The following PCDHA7 variants were observed in gnomAD, a reference collection of about 807,000 sequenced individuals.
The protein encoded by PCDHA7 is protocadherin alpha-7.
A neutral mutation model predicts 57.2 loss-of-function variants in PCDHA7; 37 were observed. The ratio of observed to expected loss-of-function variants is 0.65; its 90% confidence interval spans 0.50 to 0.85. The LOEUF is 0.85. Ranked by LOEUF, PCDHA7 falls within the 40% of genes least tolerant of loss-of-function variation. PCDHA7 has a pLI of 0.00. For missense variants in PCDHA7, 1,188 were observed against 1,241.8 expected (o/e 0.96, Z 0.65); for synonymous variants, 553 against 558.8 (o/e 0.99, Z 0.15).
intron 1 of PCDHA7, chr5:140,876,390 T>C (rs782772987): frequency 1.2e-6 from 2 of 1,613,902 alleles, no homozygotes; most frequent in African/African-American, 1.3e-5. Context: ...GAATTTATGG[T>C]GAACTGGATT....
In PCDHA7 at chr5:140,848,069, G is replaced by A. The variant is rs116084528; in HGVS notation, c.2355+11331G>A. 759 of 162,530 alleles carry A rather than the reference G, an allele frequency of 4.7e-3. 42 individuals are homozygous for A. The highest frequency in any genetic ancestry group is 0.017 in the African/African-American group (710 of 41,160). 10.1% of individuals were successfully genotyped at this position (162,530 alleles called of 1,614,324 possible). A position where few individuals can be genotyped will look rare whatever the true frequency, so the allele number is the denominator to read the frequency against. ...TTTTAATTGTTACTTCATTTCTGTC[G>A]TTATTTAAAACTTAAGTGGAGAGTT... On this transcript the variant is annotated intron_variant, in intron 1 of 3. Transcript: ENST00000525929.
At chr5:140,885,424 A>G (rs1311599501) in intron 1 of PCDHA7, among the ~76,000 whole-genome samples, 4 of 152,148 alleles carry the variant, frequency 2.6e-5, no homozygotes, top group African/African-American at 7.2e-5. Context: ...AGTATTCCAC[A>G]GTGTAAGTGT....
intron 1 of PCDHA7, among the ~76,000 whole-genome samples, chr5:140,903,428 T>C (rs954463543): frequency 2.0e-5 from 3 of 152,210 alleles, no homozygotes; most frequent in Non-Finnish European, 4.4e-5. Flanking sequence ...CAGCACAATA[T>C]GTATCAGTGG....
At position 140,924,901 on chromosome 5, in the gene PCDHA7, A is replaced by AAAAT. The variant is rs1554202314; in HGVS notation, c.2356-54045_2356-54044insTAAA. ...CAGAGCAAGAACCTGTCTCAAAAAA[A>AAAAT]AAAATAAAATAAAATAAAATAAAAT... On this transcript the variant is annotated intron_variant, in intron 1 of 3. Coordinates refer to ENST00000525929, the MANE Select transcript of PCDHA7 (RefSeq NM_018910.3). 7.3e-4 allele frequency among the ~76,000 whole-genome samples: 59 copies of AAAAT among 80,496 alleles called. 1 individual carries two copies. The highest frequency in any genetic ancestry group is 6.1e-3 in the Middle Eastern group (1 of 164). The allele number at this position is 80,496 out of a possible 152,430, so 52.8% of individuals were successfully genotyped here. A position where few individuals can be genotyped will look rare whatever the true frequency, so the allele number is the denominator to read the frequency against.
intron 1 of PCDHA7, chr5:140,884,420 T>A: frequency 1.2e-6 from 2 of 1,613,972 alleles, no homozygotes; most frequent in Non-Finnish European, 8.5e-7. Context: ...GTTGCTGCTG[T>A]ATACTGCGCT....
chr5:140,849,958 C>A (rs2041255697), intron 1 of PCDHA7: 1 of 1,597,774 alleles, frequency 6.3e-7, no homozygotes, highest in East Asian at 2.2e-5. Flanking sequence ...CAGGAGAACG[C>A]CCTGGTGTCC....
chr5:140,990,754 G>A (rs3822343), intron 3 of PCDHA7, among the ~76,000 whole-genome samples: 7,419 of 152,246 alleles, frequency 0.049, 237 homozygotes, highest in South Asian at 0.11. Flanking sequence ...GGATACCTTT[G>A]AGCCTGTAAA....
At chr5:140,897,712 G>A (rs1180745180) in intron 1 of PCDHA7, among the ~76,000 whole-genome samples, 3 of 152,162 alleles carry the variant, frequency 2.0e-5, no homozygotes, top group African/African-American at 7.2e-5. Context: ...CCAGTAATGG[G>A]ATGGCTGGGT....
intron 1 of PCDHA7, among the ~76,000 whole-genome samples, chr5:140,840,092 G>T (rs1554137685): frequency 6.6e-6 from 1 of 151,972 alleles, no homozygotes; most frequent in Admixed American, 6.6e-5. Flanking sequence ...ACTTGTTGAA[G>T]ATTTTAGTGA....
intron 1 of PCDHA7, chr5:140,855,857 C>T: frequency 1.4e-6 from 1 of 710,772 alleles, no homozygotes; most frequent in Non-Finnish European, 2.3e-6. Context: ...CACCGGATGT[C>T]GCTGTCGTCC....
intron 1 of PCDHA7, chr5:140,926,601 T>G: frequency 3.1e-6 from 1 of 317,718 alleles, no homozygotes; most frequent in Non-Finnish European, 5.7e-6. Context: ...GCGGGCGGCC[T>G]CGTCTCTGCA....
chr5:141,009,021 G>A (rs997779963), intron 3 of PCDHA7, among the ~76,000 whole-genome samples: 1 of 152,246 alleles, frequency 6.6e-6, no homozygotes, highest in Non-Finnish European at 1.5e-5. Context: ...TTTAGGCTCT[G>A]TATTTCCCAT....
chr5:140,877,676 G>T (rs781985023), intron 1 of PCDHA7: 1 of 1,613,606 alleles, frequency 6.2e-7, no homozygotes, highest in South Asian at 1.1e-5. Context: ...TGCGCGCCGG[G>T]CAAGCCCACG....
In PCDHA7 at chr5:141,010,329, G is replaced by C; in HGVS notation, c.*392G>C. On this transcript the variant is annotated 3_prime_UTR_variant, in exon 4 of 4. Coordinates refer to ENST00000525929, the MANE Select transcript of PCDHA7 (RefSeq NM_018910.3). ...AGTTTTGAGATTGAGCAGCTTGGGAGTTTGTGGCCACTGGGTATGTGTGGC... is the reference window on the plus strand; with the variant it reads ...AGTTTTGAGATTGAGCAGCTTGGGACTTTGTGGCCACTGGGTATGTGTGGC... 6.5e-7 allele frequency: 1 copy of C among 1,538,672 alleles called. No individual in the cohort carries two copies. Among genetic ancestry groups the C allele is most frequent in the Non-Finnish European group, 8.8e-7 (1 of 1,142,532 alleles).
At chr5:140,905,855 A>G (rs1297642648) in intron 1 of PCDHA7, among the ~76,000 whole-genome samples, 1 of 152,128 alleles carries the variant, frequency 6.6e-6, no homozygotes, top group East Asian at 1.9e-4. Context: ...AGGAGTATTA[A>G]CTCACACAAT....
In PCDHA7 at chr5:140,843,257, C is replaced by G. The variant is rs146582216; in HGVS notation, c.2355+6519C>G. 40 of 1,595,938 alleles carry G rather than the reference C, an allele frequency of 2.5e-5. 2 individuals carry two copies. The highest frequency in any genetic ancestry group is 3.2e-5 in the Non-Finnish European group (37 of 1,165,610). On this transcript the variant is annotated intron_variant, in intron 1 of 3. Coordinates refer to ENST00000525929, the MANE Select transcript of PCDHA7 (RefSeq NM_018910.3). The stretch of plus-strand genomic sequence containing the variant: ...GGACGAAGCGGACTCTCCGCGCCAC[C>G]GTCTGCTGGTCCTGGTGAAGGATCA...
intron 1 of PCDHA7, among the ~76,000 whole-genome samples, chr5:140,911,977 T>G (rs1554195068): frequency 1.3e-5 from 2 of 152,180 alleles, no homozygotes; most frequent in African/African-American, 4.8e-5. Context: ...TTAACTCACA[T>G]GATCACAAGG....
At chr5:140,938,538 AT>A (rs1278860544) in intron 1 of PCDHA7, among the ~76,000 whole-genome samples, 1 of 135,490 alleles carries the variant, frequency 7.4e-6, no homozygotes, top group Non-Finnish European at 1.6e-5. Context: ...GATAATATGG[AT>A]TTTTATCCTT....
rs377441374 is a variant in PCDHA7, at chr5:140,884,065, C to T, written c.2355+47327C>T. The T allele has an allele frequency of 3.7e-6, 6 of 1,613,346 alleles. No individual in the cohort carries two copies. The African/African-American group carries it at 5.3e-5, about 14-fold the overall frequency. ...TGGCGAAGGTGCGCGCGGTGGACGC[C>T]GATTCGGGCTACAATGCGTGGCTTT... is the stretch of plus-strand genomic sequence containing the variant. On this transcript the variant is annotated intron_variant, in intron 1 of 3. Transcript: ENST00000525929.
Sources: allele counts gnomAD v4.1 joint callset (sites outside exome capture counted in the v4.1 genomes callset), GRCh38; gene constraint gnomAD v4.1.1; transcripts MANE v1.5; gene names NCBI Gene and HGNC (gene_info 2026-07-23, HGNC 2026-07-21).